IL21: variants seen among roughly 807,000 people sequenced by gnomAD.
IL21 encodes the protein interleukin-21.
IL21 carries 3 observed loss-of-function variants against 18.4 expected under a neutral mutation model. The observed-to-expected ratio is 0.16, with a 90% CI of 0.07 to 0.42. The LOEUF is 0.42. Ranked by LOEUF, IL21 falls within the 10% of genes least tolerant of loss-of-function variation. IL21 has a pLI of 0.99. For synonymous variants in IL21, 37 were observed against 62.0 expected (o/e 0.60, Z 1.90); for missense variants, 130 against 188.4 (o/e 0.69, Z 1.81).
At position 122,611,477 on chromosome 4, in the gene IL21, T is replaced by G. The variant is rs928391844; in HGVS notation, c.*1233A>C. On this transcript the variant is annotated 3_prime_UTR_variant, in exon 5 of 5. Coordinates refer to ENST00000648588, the MANE Select transcript of IL21 (RefSeq NM_021803.4). ...TCACAACTATTTTAACAATAAGAGA[T>G]TCTCAAATAGCTTATACCATTCTAG... Among the ~76,000 whole-genome samples, 2 of 152,196 alleles carry G rather than the reference T, an allele frequency of 1.3e-5. No individual in the cohort carries two copies. Among genetic ancestry groups the G allele is most frequent in the African/African-American group, 2.4e-5 (1 of 41,454 alleles).
intron 3 of IL21, among the ~76,000 whole-genome samples, chr4:122,613,214 T>C (rs1050327716): frequency 2.0e-5 from 3 of 151,910 alleles, no homozygotes; most frequent in Non-Finnish European, 2.9e-5. Context: ...TTGCTTTTTT[T>C]TTTTCACACT....
At chr4:122,615,017 T>C (rs747516951) in intron 3 of IL21, among the ~76,000 whole-genome samples, 5 of 152,196 alleles carry the variant, frequency 3.3e-5, no homozygotes, top group Non-Finnish European at 4.4e-5. Flanking sequence ...ATCTAGCTCC[T>C]GTTAATAAGA....
chr4:122,615,671 G>T lies in IL21; in HGVS notation c.360+11C>A, dbSNP rs2150686503. 1.2e-6 allele frequency: 2 copies of T among 1,607,218 alleles called. No homozygotes were observed. The highest frequency in any genetic ancestry group is 2.7e-5 in the African/African-American group (2 of 74,546). Reference sequence around the variant, plus strand: ...AGTACAAATAAGAGAGATGACAAATGACAATCTTACTAGTCTGTGTTTCTG... The same window carrying T: ...AGTACAAATAAGAGAGATGACAAATTACAATCTTACTAGTCTGTGTTTCTG... On this transcript the variant is annotated intron_variant, in intron 3 of 4. Coordinates refer to ENST00000648588, the MANE Select transcript of IL21 (RefSeq NM_021803.4).
In IL21 at chr4:122,610,718, C is replaced by T. The variant is rs1468304656; in HGVS notation, c.*1992G>A. Among the ~76,000 whole-genome samples the T allele has an allele frequency of 6.6e-6, 1 of 152,204 alleles. No individual in the cohort carries two copies. The highest frequency in any genetic ancestry group is 2.4e-5 in the African/African-American group (1 of 41,446). Reference sequence around the variant, plus strand: ...AATTTCACGTCTCCTGTATTACTGTCCATAGATGAACAGTTATATTTATGG... The same window carrying T: ...AATTTCACGTCTCCTGTATTACTGTTCATAGATGAACAGTTATATTTATGG... On this transcript the variant is annotated 3_prime_UTR_variant, in exon 5 of 5. Transcript: ENST00000648588.
chr4:122,620,759 C>T (rs764185268), intron 1 of IL21, 23 bp from the exon 2 acceptor site: 1 of 1,613,232 alleles, frequency 6.2e-7, no homozygotes, highest in Non-Finnish European at 8.5e-7. Context: ...AAAATTTGTT[C>T]TGAGTTATTT....
In IL21 at chr4:122,620,688, C is replaced by A; in HGVS notation, c.204+13G>T. 6.2e-7 allele frequency: 1 copy of A among 1,607,218 alleles called. No individual in the cohort carries two copies. Among genetic ancestry groups the A allele is most frequent in the Non-Finnish European group, 8.5e-7 (1 of 1,177,560 alleles). On this transcript the variant is annotated intron_variant, in intron 2 of 4. Transcript: ENST00000648588. ...TCCAATGTATTTTCAGAAATAAATT[C>A]AACTGGTCTTACCTCTACATCTTCT...
At chr4:122,620,190 G>C (rs1050286919) in intron 2 of IL21, 1 of 152,966 alleles carries the variant, frequency 6.5e-6, no homozygotes, top group Non-Finnish European at 1.5e-5. Flanking sequence ...TATTCTGAAG[G>C]ACAGCTTTGA....
intron 4 of IL21, 38 bp downstream of exon 4, chr4:122,612,813 G>T: frequency 6.2e-7 from 1 of 1,612,518 alleles, no homozygotes; most frequent in Non-Finnish European, 8.5e-7. Context: ...GATAGGTAAA[G>T]ATAAAGCAGA....
Position 122,612,483 on chromosome 4 carries a change from A to C in IL21, c.*227T>G. On this transcript the variant is annotated 3_prime_UTR_variant, in exon 5 of 5. Coordinates refer to ENST00000648588, the MANE Select transcript of IL21 (RefSeq NM_021803.4). ...TTCTCCTTCAACCAAGAAATGTCAA[A>C]GTTGGGCAGTGAGATAAAGTAAAAA... 1 of 442,262 alleles carries C rather than the reference A, an allele frequency of 2.3e-6. No homozygotes were observed. Among genetic ancestry groups the C allele is most frequent in the East Asian group, 3.5e-5 (1 of 28,938 alleles). 27.4% of individuals were successfully genotyped at this position (442,262 alleles called of 1,614,324 possible).
intron 3 of IL21, among the ~76,000 whole-genome samples, chr4:122,614,409 A>G (rs1192287316): frequency 3.3e-5 from 5 of 151,800 alleles, no homozygotes; most frequent in Admixed American, 3.3e-4. Flanking sequence ...CAAAAGAACT[A>G]ATTTAAAAAA....
chr4:122,614,272 T>C (rs951557551), intron 3 of IL21, among the ~76,000 whole-genome samples: 23 of 152,194 alleles, frequency 1.5e-4, no homozygotes, highest in Admixed American at 5.2e-4. Context: ...GCTCCTTTCT[T>C]TCTGAGGAAA....
intron 2 of IL21, 40 bp downstream of exon 2, chr4:122,620,661 T>C (rs780889133): frequency 6.4e-6 from 10 of 1,564,384 alleles, no homozygotes; most frequent in South Asian, 5.7e-5. Flanking sequence ...TAAAAACTTA[T>C]GTCCAATGTA....
Position 122,611,285 on chromosome 4 carries a change from T to C in IL21, c.*1425A>G, listed in dbSNP as rs890517503. On this transcript the variant is annotated 3_prime_UTR_variant, in exon 5 of 5. Coordinates refer to ENST00000648588, the MANE Select transcript of IL21 (RefSeq NM_021803.4). ...TTGTTTCTGATGATAAATTTTTTTT[T>C]CTTTTTTCTGAGTCTACTTGCTGAT... Among the ~76,000 whole-genome samples, 1 of 152,198 alleles carries C rather than the reference T, an allele frequency of 6.6e-6. No homozygotes were observed. Among genetic ancestry groups the C allele is most frequent in the Non-Finnish European group, 1.5e-5 (1 of 68,010 alleles).
chr4:122,610,369 TATA>T lies in IL21; in HGVS notation c.*2338_*2340del, dbSNP rs1799249331. ...TAATTTTCCCTGAACTCTCATGACCTATAATAATGTTTCCTTTTCTCCCCTCCT... is the reference window on the plus strand; with the variant it reads ...TAATTTTCCCTGAACTCTCATGACCTATAATGTTTCCTTTTCTCCCCTCCT... On this transcript the variant is annotated 3_prime_UTR_variant, in exon 5 of 5. Transcript: ENST00000648588. 1.3e-5 allele frequency among the ~76,000 whole-genome samples: 2 copies of T among 152,138 alleles called. No homozygotes were observed. Among genetic ancestry groups the T allele is most frequent in the African/African-American group, 2.4e-5 (1 of 41,422 alleles).
Position 122,612,557 on chromosome 4 carries a change from A to G in IL21, c.*153T>C, listed in dbSNP as rs1799275904. 1.7e-6 allele frequency: 1 copy of G among 600,234 alleles called. No individual in the cohort carries two copies. The highest frequency in any genetic ancestry group is 2.9e-6 in the Non-Finnish European group (1 of 339,018). The allele number at this position is 600,234 out of a possible 1,614,324, so 37.2% of individuals were successfully genotyped here. A position where few individuals can be genotyped will look rare whatever the true frequency, so the allele number is the denominator to read the frequency against. On this transcript the variant is annotated 3_prime_UTR_variant, in exon 5 of 5. Transcript: ENST00000648588. ...AACATAGGAAATCAGACTATTGTAT[A>G]GTGATTATGGGGAAATAATCCTGAC...
intron 2 of IL21, among the ~76,000 whole-genome samples, chr4:122,620,337 G>T (rs1799408002): frequency 6.6e-6 from 1 of 152,110 alleles, no homozygotes; most frequent in South Asian, 2.1e-4. Context: ...AACAAAGAAG[G>T]CTCAAAAGCT....
rs17879528 is a variant in IL21, at chr4:122,617,053, C to T, written c.205-1216G>A. Reference sequence around the variant, plus strand: ...TTGCATTTTCCAACCCATATGCTTACCCAATATGAATGTAGATTAATAATA... The same window carrying T: ...TTGCATTTTCCAACCCATATGCTTATCCAATATGAATGTAGATTAATAATA... On this transcript the variant is annotated intron_variant, in intron 2 of 4. Transcript: ENST00000648588. 1.3e-3 allele frequency among the ~76,000 whole-genome samples: 199 copies of T among 152,230 alleles called. 3 individuals carry two copies. The highest frequency in any genetic ancestry group is 4.7e-3 in the African/African-American group (196 of 41,542).
chr4:122,616,925 G>C lies in IL21; in HGVS notation c.205-1088C>G, dbSNP rs1799344870. Among the ~76,000 whole-genome samples the C allele has an allele frequency of 4.6e-5, 7 of 152,248 alleles. No individual in the cohort carries two copies. In the South Asian group the frequency reaches 1.5e-3, roughly 32 times the overall value. On this transcript the variant is annotated intron_variant, in intron 2 of 4. Transcript: ENST00000648588. ...TATGGAAGCTACTACCTTATAACCAGAAGCCTCAATCCCTCCCAGTCCCTA... is the reference window on the plus strand; with the variant it reads ...TATGGAAGCTACTACCTTATAACCACAAGCCTCAATCCCTCCCAGTCCCTA...
intron 3 of IL21, among the ~76,000 whole-genome samples, chr4:122,613,212 T>C (rs1799286522): frequency 6.6e-6 from 1 of 151,838 alleles, no homozygotes; most frequent in Non-Finnish European, 1.5e-5. Context: ...ATTTGCTTTT[T>C]TTTTTTCACA....
Sources: gnomAD v4.1 joint callset for allele counts (sites outside exome capture counted in the v4.1 genomes callset) on GRCh38, gnomAD v4.1.1 for gene constraint, MANE v1.5 for transcripts, NCBI Gene and HGNC (gene_info 2026-07-23, HGNC 2026-07-21) for gene names.